Variants in AUTS2 observed in about 807,000 individuals in gnomAD.
AUTS2 encodes activator of transcription and developmental regulator AUTS2.
Under a neutral mutation model 112.4 loss-of-function variants are expected in AUTS2, and 17 were observed. That is an observed-to-expected ratio of 0.15 (90% CI 0.10 to 0.23). AUTS2 has a LOEUF of 0.23. Ranked by LOEUF, AUTS2 falls within the 10% of genes least tolerant of loss-of-function variation. The pLI is 1.00. For missense variants in AUTS2, 1,510 were observed against 1,701.6 expected (o/e 0.89, Z 1.98); for synonymous variants, 751 against 702.7 (o/e 1.07, Z -1.09).
At chr7:70,252,445 T>A (rs1461046347) in intron 4 of AUTS2, among the ~76,000 whole-genome samples, 50 of 152,272 alleles carry the variant, frequency 3.3e-4, no homozygotes, top group Non-Finnish European at 6.2e-4. Context: ...TTTGACTGGG[T>A]TATTTGTTTT....
intron 1 of AUTS2, among the ~76,000 whole-genome samples, chr7:69,772,810 G>A (rs1052168731): frequency 6.6e-6 from 1 of 152,200 alleles, no homozygotes; most frequent in Non-Finnish European, 1.5e-5. Flanking sequence ...AGACTAAGAA[G>A]TTAAGACTTA....
At chr7:70,049,229 A>G (rs1306342215) in intron 2 of AUTS2, among the ~76,000 whole-genome samples, 1 of 152,196 alleles carries the variant, frequency 6.6e-6, no homozygotes, top group South Asian at 2.1e-4. Flanking sequence ...TCACATTTCA[A>G]TGAACAATCC....
intron 1 of AUTS2, among the ~76,000 whole-genome samples, chr7:69,865,733 G>A (rs760160363): frequency 1.3e-5 from 2 of 151,792 alleles, no homozygotes; most frequent in African/African-American, 2.4e-5. Context: ...CTGTCTCTTC[G>A]AATTTAGAGA....
chr7:70,776,156 G>A (rs1288590296), intron 13 of AUTS2, among the ~76,000 whole-genome samples: 1 of 152,194 alleles, frequency 6.6e-6, no homozygotes, highest in Non-Finnish European at 1.5e-5. Context: ...TTGCATTTAA[G>A]TATATATTTT....
At chr7:70,773,898 G>C in intron 11 of AUTS2, 130 bp from the exon 12 acceptor site, 2 of 838,360 alleles carry the variant, frequency 2.4e-6, no homozygotes, top group South Asian at 1.6e-5. Flanking sequence ...TGAGAAAAAT[G>C]AATCTTGCGT....
At chr7:70,376,220 C>G (rs1448308607) in intron 4 of AUTS2, among the ~76,000 whole-genome samples, 3 of 152,124 alleles carry the variant, frequency 2.0e-5, no homozygotes, top group African/African-American at 7.2e-5. Flanking sequence ...GTGTGAACAT[C>G]TTGCAGTTCG....
At chr7:70,489,588 C>G (rs1302477601) in intron 5 of AUTS2, among the ~76,000 whole-genome samples, 1 of 152,220 alleles carries the variant, frequency 6.6e-6, no homozygotes, top group Non-Finnish European at 1.5e-5. Flanking sequence ...TTGGGTAACT[C>G]TAATTCAGTT....
intron 5 of AUTS2, among the ~76,000 whole-genome samples, chr7:70,452,425 C>T (rs1232135183): frequency 6.6e-6 from 1 of 152,296 alleles, no homozygotes; most frequent in African/African-American, 2.4e-5. Flanking sequence ...CACCACTGCA[C>T]TCCAGTCTGG....
At chr7:69,921,490 G>A (rs371344039) in intron 2 of AUTS2, among the ~76,000 whole-genome samples, 3 of 152,064 alleles carry the variant, frequency 2.0e-5, no homozygotes, top group East Asian at 1.9e-4. Context: ...AACGTTGGCC[G>A]AGCATGGTGG....
chr7:70,352,124 C>T (rs1292236993), intron 4 of AUTS2, among the ~76,000 whole-genome samples: 1 of 152,220 alleles, frequency 6.6e-6, no homozygotes, highest in Non-Finnish European at 1.5e-5. Flanking sequence ...TTAATCCCAT[C>T]ACACATACTA....
At chr7:69,912,318 GTCTGGAGCCACAGCTGGGCAGCTGCATGT>G (rs57596181) in intron 2 of AUTS2, among the ~76,000 whole-genome samples, 12,552 of 152,238 alleles carry the variant, frequency 0.082, 668 homozygotes, top group African/African-American at 0.14. Context: ...GGATGCCTGG[GTCTGGAGCCACAGCTGGGCAGCTGCATGT>G]GTGCCCAGGA....
rs578171501 is a variant in AUTS2 at position 70,184,806 on chromosome 7, T to C, written c.660+50235T>C. Among the ~76,000 whole-genome samples the C allele has an allele frequency of 1.1e-4, 16 of 152,310 alleles. No homozygotes were observed. The East Asian group carries it at 3.1e-3, about 29-fold the overall frequency. On this transcript the variant is annotated intron_variant, in intron 4 of 18. Transcript: ENST00000342771. Reference sequence around the variant, plus strand: ...GTGTGTCCCTGAGGAAACTATGCCCTGGGAAGGTTCTTTATTTATAATACA... The same window carrying C: ...GTGTGTCCCTGAGGAAACTATGCCCCGGGAAGGTTCTTTATTTATAATACA...
chr7:70,542,440 G>T (rs904188967), intron 5 of AUTS2, among the ~76,000 whole-genome samples: 2 of 152,120 alleles, frequency 1.3e-5, no homozygotes, highest in African/African-American at 4.8e-5. Flanking sequence ...ACTACACAAG[G>T]TTTTTTTAAG....
intron 4 of AUTS2, among the ~76,000 whole-genome samples, chr7:70,396,456 A>G (rs538413367): frequency 3.3e-5 from 5 of 151,548 alleles, no homozygotes; most frequent in Non-Finnish European, 7.4e-5. Context: ...AGCTCACTGC[A>G]ACCTCTACCT....
At chr7:70,675,309 A>G (rs542680164) in intron 5 of AUTS2, among the ~76,000 whole-genome samples, 2 of 152,280 alleles carry the variant, frequency 1.3e-5, no homozygotes, top group Admixed American at 6.5e-5. Flanking sequence ...CCTGGCCAAC[A>G]TGGTGAAACC....
intron 1 of AUTS2, among the ~76,000 whole-genome samples, chr7:69,744,612 T>C (rs1787407807): frequency 6.6e-6 from 1 of 151,490 alleles, no homozygotes; most frequent in Admixed American, 6.6e-5. Context: ...GTAGGAGTAT[T>C]GCTTGAGCTC....
intron 5 of AUTS2, among the ~76,000 whole-genome samples, chr7:70,580,030 C>G (rs1802361033): frequency 6.6e-6 from 1 of 152,118 alleles, no homozygotes; most frequent in South Asian, 2.1e-4. Flanking sequence ...CACAGACCCT[C>G]TAGAAGCCAG....
intron 3 of AUTS2, among the ~76,000 whole-genome samples, chr7:70,124,323 ATAGTTTCTTTTGCTGTGCAGAAGTGC>A (rs1384007731): frequency 6.6e-6 from 1 of 151,994 alleles, no homozygotes; most frequent in Non-Finnish European, 1.5e-5. Flanking sequence ...TACTCTGTTG[ATAGTTTCTTTTGCTGTGCAGAAGTGC>A]TTAAGTTTAA....
chr7:69,915,584 A>C (rs976989066), intron 2 of AUTS2, among the ~76,000 whole-genome samples: 5 of 152,224 alleles, frequency 3.3e-5, no homozygotes, highest in Admixed American at 1.3e-4. Context: ...AACTCTTAGT[A>C]CAGGAAAGTC....
Sources: allele counts gnomAD v4.1 joint callset (sites outside exome capture counted in the v4.1 genomes callset), GRCh38; gene constraint gnomAD v4.1.1; transcripts MANE v1.5; gene names NCBI Gene and HGNC (gene_info 2026-07-23, HGNC 2026-07-21).